Variants in GDF1 observed in about 807,000 individuals in gnomAD.
The protein encoded by GDF1 is growth differentiation factor 1.
Under a neutral mutation model 7.4 loss-of-function variants are expected in GDF1, and 8 were observed. The ratio of observed to expected loss-of-function variants is 1.09; its 90% CI spans 0.64 to 1.96. GDF1 has a LOEUF of 1.96. Ranked by LOEUF, GDF1 falls within the 30% of genes most tolerant of loss-of-function variation. The pLI is 0.00. For missense variants in GDF1, 574 were observed against 551.5 expected (o/e 1.04, Z -0.41); for synonymous variants, 311 against 276.7 (o/e 1.12, Z -1.23).
chr19:18,891,853 G>A (rs1269280683), intron 2 of GDF1, among the ~76,000 whole-genome samples: 1 of 149,102 alleles, frequency 6.7e-6, no homozygotes, highest in Non-Finnish European at 1.5e-5. Context: ...TTACAGGTGT[G>A]AGCCAGTGAG....
At chr19:18,871,133 G>A (rs1313586488) in intron 6 of GDF1, among the ~76,000 whole-genome samples, 1 of 151,030 alleles carries the variant, frequency 6.6e-6, no homozygotes, top group Non-Finnish European at 1.5e-5. Context: ...CCAGGCTAGA[G>A]CTGTGGCACA....
rs1455699223 is a variant in GDF1 at position 18,884,276 on chromosome 19, A to G, written c.-913-9T>C. On this transcript the variant is annotated splice_polypyrimidine_tract_variant and intron_variant, in intron 2 of 7. Transcript: ENST00000247005. ...CATGCCCGGCGTCCAGTCTGGGGAG[A>G]GCCAAATCTCACAGTCAGGGCCCTG... 6.2e-7 allele frequency: 1 copy of G among 1,606,936 alleles called. No homozygotes were observed. The highest frequency in any genetic ancestry group is 8.5e-7 in the Non-Finnish European group (1 of 1,177,482).
At chr19:18,884,062 C>A in intron 3 of GDF1, 25 bp downstream of exon 3, 1 of 1,601,472 alleles carries the variant, frequency 6.2e-7, no homozygotes, top group Non-Finnish European at 8.5e-7. Context: ...TGCCTCGGCC[C>A]CCTGCCACCC....
intron 6 of GDF1, among the ~76,000 whole-genome samples, chr19:18,873,885 G>A (rs2056018223): frequency 6.6e-6 from 1 of 151,812 alleles, no homozygotes; most frequent in African/African-American, 2.4e-5. Flanking sequence ...ACTCTCTGGG[G>A]TTAGCACCAA....
intron 7 of GDF1, among the ~76,000 whole-genome samples, 156 bp downstream of exon 7, chr19:18,869,827 A>G (rs567250770): frequency 6.6e-6 from 1 of 152,072 alleles, no homozygotes; most frequent in African/African-American, 2.4e-5. Context: ...GCAGATGACG[A>G]GGAAAGGGTG....
intron 1 of GDF1, 89 bp from the exon 2 acceptor site, chr19:18,893,664 C>T: frequency 7.3e-7 from 1 of 1,364,986 alleles, no homozygotes; most frequent in Non-Finnish European, 1.0e-6. Flanking sequence ...CCAGGGACTC[C>T]CCAGGCCGGG....
Position 18,878,954 on chromosome 19 carries a change from T to C in GDF1, c.-337A>G, listed in dbSNP as rs547876072. The C allele has an allele frequency of 1.2e-6, 2 of 1,613,784 alleles. No homozygotes were observed. Among genetic ancestry groups the C allele is most frequent in the Non-Finnish European group, 1.7e-6 (2 of 1,179,832 alleles). On this transcript the variant is annotated 5_prime_UTR_variant, in exon 6 of 8. Coordinates refer to ENST00000247005, the MANE Select transcript of GDF1 (RefSeq NM_001492.6). The surrounding 1 kb of genome is among the most constrained non-coding windows in gnomAD (Gnocchi z 4.6). Reference sequence around the variant, plus strand: ...CTCGGCTTTGCTGGGCTTCAGGCTCTGGGCCTCGGCTGTGTCATACTCCCG... The same window carrying C: ...CTCGGCTTTGCTGGGCTTCAGGCTCCGGGCCTCGGCTGTGTCATACTCCCG...
At chr19:18,882,754 A>T (rs988775208) in intron 3 of GDF1, among the ~76,000 whole-genome samples, 1 of 151,572 alleles carries the variant, frequency 6.6e-6, no homozygotes, top group African/African-American at 2.4e-5. Flanking sequence ...GTGCAGTGGC[A>T]TGATCTCGGC....
chr19:18,875,608 C>G (rs2056046879), intron 6 of GDF1, among the ~76,000 whole-genome samples: 1 of 151,958 alleles, frequency 6.6e-6, no homozygotes, highest in Non-Finnish European at 1.5e-5. Flanking sequence ...GGAATCCTCT[C>G]TCTGCTGTGG....
Position 18,895,719 on chromosome 19 carries a change from C to T in GDF1, c.-1074+105G>A. 3.5e-6 allele frequency: 2 copies of T among 571,250 alleles called. No homozygotes were observed. The highest frequency in any genetic ancestry group is 2.4e-6 in the Non-Finnish European group (1 of 414,288). The allele number at this position is 571,250 out of a possible 1,614,324, so 35.4% of individuals were successfully genotyped here. A position where few individuals can be genotyped will look rare whatever the true frequency, so the allele number is the denominator to read the frequency against. On this transcript the variant is annotated intron_variant, in intron 1 of 7. Coordinates refer to ENST00000247005, the MANE Select transcript of GDF1 (RefSeq NM_001492.6). This position sits in a 1 kb window ranked among gnomAD's most constrained non-coding sequence, Gnocchi z 6.4. ...CACGTTCCGGCGACCCCTTCATCCGCAGCAGCCAGCGCTGGAAGAAAGGAA... is the reference window on the plus strand; with the variant it reads ...CACGTTCCGGCGACCCCTTCATCCGTAGCAGCCAGCGCTGGAAGAAAGGAA...
At position 18,870,341 on chromosome 19, in the gene GDF1, G is replaced by A. The variant is rs754080793; in HGVS notation, c.-34C>T. ...CAGGCGATGACCAGAGAGTGCGCAG[G>A]GTCCGCGGCGGCCCGGGACCAGTGG... On this transcript the variant is annotated 5_prime_UTR_variant, in exon 7 of 8. Transcript: ENST00000247005. This position sits in a 1 kb window ranked among gnomAD's most constrained non-coding sequence, Gnocchi z 5.1. The A allele has an allele frequency of 1.9e-6, 3 of 1,542,730 alleles. No individual in the cohort carries two copies. The highest frequency in any genetic ancestry group is 1.2e-5 in the South Asian group (1 of 83,712).
In GDF1 at chr19:18,870,098, G is replaced by A. The variant is rs769520095; in HGVS notation, c.210C>T (p.Asp70=). The change falls in exon 7 of 8, where the codon GAC becomes GAT. Residue 70 remains aspartate, a synonymous_variant. Coordinates refer to ENST00000247005, the MANE Select transcript of GDF1 (RefSeq NM_001492.6). This position sits in a 1 kb window ranked among gnomAD's most constrained non-coding sequence, Gnocchi z 5.1. ...GCGAGCCAGACCTGGTCTCCTGGGGGTCCCGGCGTCGAAACAGGCGCCACA... is the reference window on the plus strand; with the variant it reads ...GCGAGCCAGACCTGGTCTCCTGGGGATCCCGGCGTCGAAACAGGCGCCACA... ...PVMWRLFRRR[D]PQETRSGSRR... is the part of the protein sequence containing the mutation. 2.3e-5 allele frequency: 36 copies of A among 1,571,630 alleles called. No homozygotes were observed. The East Asian group carries it at 7.6e-4, about 33-fold the overall frequency.
rs766263986 is a variant in GDF1 at position 18,868,597 on chromosome 19, T to TTAGCGGCAGC, written c.1109_1118dup (p.Ter373=). ...GGCCCGCGTCCCTGCCCGCCCCGGG[T>TTAGCGGCAGC]TAGCGGCAGCCGCACTCGTCCACCA... On this transcript the variant is annotated frameshift_variant and stop_retained_variant, in exon 8 of 8. Transcript: ENST00000247005. LOFTEE classifies it high-confidence loss of function. 14 of 1,554,500 alleles carry TTAGCGGCAGC rather than the reference T, an allele frequency of 9.0e-6. No individual in the cohort carries two copies. In the South Asian group the frequency reaches 1.7e-4, roughly 18 times the overall value.
intron 2 of GDF1, 148 bp from the exon 3 acceptor site, chr19:18,884,415 CTA>C: frequency 1.4e-6 from 1 of 695,484 alleles, no homozygotes; most frequent in Non-Finnish European, 2.2e-6. Context: ...ATTCCCAATT[CTA>C]TTTTTTTTTT....
chr19:18,873,135 AT>A (rs1340722156), intron 6 of GDF1, among the ~76,000 whole-genome samples: 1 of 152,130 alleles, frequency 6.6e-6, no homozygotes, highest in African/African-American at 2.4e-5. Flanking sequence ...TTTGCCCCAA[AT>A]TGCTGTCAAC....
At chr19:18,875,654 G>A (rs111498468) in intron 6 of GDF1, among the ~76,000 whole-genome samples, 48 of 152,004 alleles carry the variant, frequency 3.2e-4, no homozygotes, top group African/African-American at 1.0e-3. Flanking sequence ...CTCCAACCTC[G>A]GCCTTTGTGG....
chr19:18,895,149 G>C lies in GDF1; in HGVS notation c.-1074+675C>G, dbSNP rs868753528. On this transcript the variant is annotated intron_variant, in intron 1 of 7. Coordinates refer to ENST00000247005, the MANE Select transcript of GDF1 (RefSeq NM_001492.6). The surrounding 1 kb of genome is among the most constrained non-coding windows in gnomAD (Gnocchi z 6.4). The stretch of plus-strand genomic sequence containing the variant: ...GTCACCTCCAAGGGAGCGACCACTG[G>C]CGTGGCCAGAGCACCCAGGCCCTTG... Among the ~76,000 whole-genome samples the C allele has an allele frequency of 6.6e-6, 1 of 152,240 alleles. No homozygotes were observed. The highest frequency in any genetic ancestry group is 2.4e-5 in the African/African-American group (1 of 41,466).
chr19:18,869,530 G>T (rs1350983664), intron 7 of GDF1, 140 bp from the exon 8 acceptor site: 15 of 1,168,562 alleles, frequency 1.3e-5, no homozygotes, highest in Non-Finnish European at 1.7e-5. Context: ...GGCGGGGTGG[G>T]CTGATGGAGT....
intron 3 of GDF1, among the ~76,000 whole-genome samples, chr19:18,883,596 G>A (rs968432707): frequency 6.6e-6 from 1 of 152,226 alleles, no homozygotes; most frequent in African/African-American, 2.4e-5. Flanking sequence ...TGTATGTGAA[G>A]GCTTTGAAGC....
Sources: gnomAD v4.1 joint callset for allele counts (sites outside exome capture counted in the v4.1 genomes callset) on GRCh38, gnomAD v4.1.1 for gene constraint, Gnocchi (gnomAD v3.1) non-coding constraint, MANE v1.5 for transcripts, NCBI Gene and HGNC (gene_info 2026-07-23, HGNC 2026-07-21) for gene names.